The following PBX1 variants were observed in gnomAD, a reference collection of about 807,000 sequenced individuals.
PBX1 encodes PBX homeobox 1, also known as pre-B-cell leukemia transcription factor 1.
In PBX1, 6 loss-of-function variants were observed where a neutral mutation model predicts 53.4. The ratio of observed to expected loss-of-function variants is 0.11; its 90% CI spans 0.06 to 0.22. The LOEUF (loss-of-function observed/expected upper bound fraction) is 0.22, where lower values mean the gene tolerates loss of function less well. PBX1 is among the 10% of genes least tolerant of loss of function. The pLI is 1.00. For missense variants in PBX1, 251 were observed against 551.4 expected (o/e 0.46, Z 5.46); for synonymous variants, 204 against 212.3 (o/e 0.96, Z 0.34).
At chr1:164,741,059 T>A (rs1665576086) in intron 2 of PBX1, among the ~76,000 whole-genome samples, 1 of 152,266 alleles carries the variant, frequency 6.6e-6, no homozygotes, top group Admixed American at 6.5e-5. Flanking sequence ...GTAATTGATT[T>A]TCCCTGTCTG....
At chr1:164,839,689 T>G (rs1254786676) in intron 8 of PBX1, among the ~76,000 whole-genome samples, 6 of 152,206 alleles carry the variant, frequency 3.9e-5, no homozygotes, top group Non-Finnish European at 8.8e-5. Context: ...AAATTATTAT[T>G]TCTTTGCAGC....
chr1:164,794,939 C>T (rs1326544432), intron 3 of PBX1, among the ~76,000 whole-genome samples: 3 of 152,202 alleles, frequency 2.0e-5, no homozygotes, highest in African/African-American at 7.2e-5. Context: ...TTAATCTGAG[C>T]TCAGGTTGCC....
intron 2 of PBX1, among the ~76,000 whole-genome samples, chr1:164,721,954 G>A (rs1468324891): frequency 6.6e-6 from 1 of 152,160 alleles, no homozygotes; most frequent in Admixed American, 6.5e-5. Flanking sequence ...TTCCATTTTA[G>A]TGAAAGAAAT....
chr1:164,813,387 G>T (rs985004602), intron 6 of PBX1: 1 of 152,202 alleles, frequency 6.6e-6, no homozygotes, highest in East Asian at 1.9e-4. Context: ...AGCACTGCAG[G>T]TTAGATTCCT....
chr1:164,751,831 C>T (rs1286025412), intron 2 of PBX1, among the ~76,000 whole-genome samples: 5 of 152,106 alleles, frequency 3.3e-5, no homozygotes, highest in Non-Finnish European at 7.4e-5. Context: ...ATTTGCCCAC[C>T]TCGGCCTCCC....
chr1:164,811,226 AG>A (rs1352033828), intron 5 of PBX1, among the ~76,000 whole-genome samples: 2 of 152,226 alleles, frequency 1.3e-5, no homozygotes, highest in African/African-American at 4.8e-5. Context: ...TGTCTGGCAG[AG>A]GTCTTGGTAT....
chr1:164,857,352 C>T (rs1202872914), intron 2 of PBX1, among the ~76,000 whole-genome samples: 1 of 152,160 alleles, frequency 6.6e-6, no homozygotes, highest in Non-Finnish European at 1.5e-5. Flanking sequence ...GGGTCCTAAG[C>T]ACAGGAGCCT....
chr1:164,754,919 C>G (rs764239496), intron 2 of PBX1, among the ~76,000 whole-genome samples: 19 of 151,950 alleles, frequency 1.3e-4, no homozygotes, highest in Middle Eastern at 3.2e-3. Context: ...AAAAAGAGCC[C>G]TACAAATTTC....
chr1:164,653,939 C>G (rs1659995875), intron 2 of PBX1, among the ~76,000 whole-genome samples: 2 of 152,144 alleles, frequency 1.3e-5, no homozygotes, highest in Admixed American at 1.3e-4. Flanking sequence ...ACAGCCTGTT[C>G]CTTCTTTGGA....
At chr1:164,596,735 T>C (rs1352718865) in intron 2 of PBX1, among the ~76,000 whole-genome samples, 1 of 152,206 alleles carries the variant, frequency 6.6e-6, no homozygotes, top group East Asian at 1.9e-4. Flanking sequence ...ATGTATAAAG[T>C]AGGGATAATA....
intron 2 of PBX1, among the ~76,000 whole-genome samples, chr1:164,711,531 G>A (rs554966699): frequency 2.6e-5 from 4 of 152,332 alleles, no homozygotes; most frequent in East Asian, 3.9e-4. Flanking sequence ...CCAAAGTGCT[G>A]GGATTACAGG....
intron 2 of PBX1, among the ~76,000 whole-genome samples, chr1:164,882,890 C>T (rs1246277638): frequency 6.6e-6 from 1 of 152,144 alleles, no homozygotes. Context: ...AAATTTGGAA[C>T]TATATTTTCT....
chr1:164,659,867 A>C (rs1037226157), intron 2 of PBX1, among the ~76,000 whole-genome samples: 22 of 152,290 alleles, frequency 1.4e-4, no homozygotes, highest in South Asian at 8.3e-4. Flanking sequence ...TCTGTCTCCT[A>C]ACAGGCTTCC....
Position 164,792,481 on chromosome 1 carries a change from T to C in PBX1, c.266-13T>C, listed in dbSNP as rs1166929254. The C allele has an allele frequency of 1.2e-6, 2 of 1,613,722 alleles. No homozygotes were observed. Among genetic ancestry groups the C allele is most frequent in the Non-Finnish European group, 1.7e-6 (2 of 1,179,982 alleles). On this transcript the variant is annotated splice_polypyrimidine_tract_variant and intron_variant, in intron 2 of 8. Transcript: ENST00000420696. ...GTTACTATTAACGCTCCCTTCCCTG[T>C]CTTTTTCTGTAGTTTTGAGTATCCG...
chr1:164,751,314 C>CAAAAA (rs527755578), intron 2 of PBX1, among the ~76,000 whole-genome samples: 1 of 78,938 alleles, frequency 1.3e-5, no homozygotes, highest in East Asian at 3.6e-4. Flanking sequence ...GACTCTGTCT[C>CAAAAA]AAAAAAAAAA....
chr1:164,688,086 G>A lies in PBX1; in HGVS notation c.266-104408G>A, dbSNP rs377706185. 1.1e-4 allele frequency among the ~76,000 whole-genome samples: 17 copies of A among 152,274 alleles called. No homozygotes were observed. The East Asian group carries it at 3.1e-3, about 28-fold the overall frequency. On this transcript the variant is annotated intron_variant, in intron 2 of 8. Coordinates refer to ENST00000420696, the MANE Select transcript of PBX1 (RefSeq NM_002585.4). ...AAAGACCTTTGCCCGGGGGACACCT[G>A]CCTCTCCCAGCTCTTTTCCCCTCAT... is the stretch of plus-strand genomic sequence containing the variant.
At chr1:164,638,933 C>T (rs1658952791) in intron 2 of PBX1, among the ~76,000 whole-genome samples, 1 of 152,164 alleles carries the variant, frequency 6.6e-6, no homozygotes, top group South Asian at 2.1e-4. Flanking sequence ...TGTGCAGACT[C>T]CCCCTACCCC....
At chr1:164,855,223 G>A (rs1188735263), downstream of PBX1, among the ~76,000 whole-genome samples, 1 of 152,108 alleles carries the variant, frequency 6.6e-6, no homozygotes, top group Non-Finnish European at 1.5e-5. Flanking sequence ...TAGGATTATA[G>A]GCGTGAGCCA....
intron 2 of PBX1, among the ~76,000 whole-genome samples, chr1:164,595,080 C>T (rs1655663195): frequency 6.6e-6 from 1 of 152,204 alleles, no homozygotes. Flanking sequence ...AACTTAGAGC[C>T]TTAACAGACT....
Sources: gnomAD v4.1 joint callset for allele counts (sites outside exome capture counted in the v4.1 genomes callset) on GRCh38, gnomAD v4.1.1 for gene constraint, MANE v1.5 for transcripts, NCBI Gene and HGNC (gene_info 2026-07-23, HGNC 2026-07-21) for gene names.